The following PELI3 variants were observed in gnomAD, a reference collection of about 807,000 sequenced individuals.
PELI3 encodes the protein E3 ubiquitin-protein ligase pellino homolog 3.
A neutral mutation model predicts 35.5 loss-of-function variants in PELI3; 19 were observed. The observed-to-expected ratio is 0.54, with a 90% CI of 0.37 to 0.79. The LOEUF (loss-of-function observed/expected upper bound fraction) is 0.79. Ranked by LOEUF, PELI3 falls within the 30% of genes least tolerant of loss-of-function variation. The pLI, the probability that PELI3 is intolerant of heterozygous loss-of-function variation, is 0.00. For synonymous variants in PELI3, 262 were observed against 279.2 expected (o/e 0.94, Z 0.62); for missense variants, 490 against 661.2 (o/e 0.74, Z 2.84).
Position 66,468,219 on chromosome 11 carries a change from C to T in PELI3, c.91C>T (p.Pro31Ser). Residue 31 changes from proline (P) to serine (S), a missense_variant, in exon 2 of 8, where the codon CCC becomes TCC. Physicochemically the swap from Pro to Ser is moderately conservative, Grantham distance 74. Transcript: ENST00000320740. ...GNKGSCVLSS[P>S]GEDAQPGEEP... ...CAAGGGCTCTTGCGTTCTCTCCTCT[C>T]CCGGTGAAGATGCGCAGCCAGGCGA... 1 of 1,601,848 alleles carries T rather than the reference C, an allele frequency of 6.2e-7. No individual in the cohort carries two copies.
At chr11:66,474,316 C>T in intron 7 of PELI3, 1 of 562,372 alleles carries the variant, frequency 1.8e-6, no homozygotes, top group Non-Finnish European at 3.1e-6. Context: ...TGTAGCATGT[C>T]TATCACGTTC....
chr11:66,474,436 AGGGACC>A lies in PELI3; in HGVS notation c.840+516_840+521del, dbSNP rs141178346. On this transcript the variant is annotated intron_variant, in intron 7 of 7. Transcript: ENST00000320740. ...TGGTACAGATCAGAGAGCTGAGGTT[AGGGACC>A]GGGAGTGAGTCCTAGAGAGAGGCAG... 438 of 286,166 alleles carry A rather than the reference AGGGACC, an allele frequency of 1.5e-3. 8 individuals are homozygous for A. In the East Asian group the frequency reaches 0.044, roughly 29 times the overall value. The allele number at this position is 286,166 out of a possible 1,614,324, so 17.7% of individuals were successfully genotyped here. A position where few individuals can be genotyped will look rare whatever the true frequency, so the allele number is the denominator to read the frequency against.
At position 66,467,498 on chromosome 11, in the gene PELI3, C is replaced by T. The variant is rs1019375140; in HGVS notation, c.-2+471C>T. 3.3e-5 allele frequency: 5 copies of T among 152,126 alleles called. No individual in the cohort carries two copies. The highest frequency in any genetic ancestry group is 7.3e-5 in the Non-Finnish European group (5 of 68,070). 9.4% of individuals were successfully genotyped at this position (152,126 alleles called of 1,614,324 possible). A position where few individuals can be genotyped will look rare whatever the true frequency, so the allele number is the denominator to read the frequency against. The stretch of plus-strand genomic sequence containing the variant: ...CCTGAGGGAGGGAAGAGCGCGCACC[C>T]AGGAGGAGTCTATTGGCCTACCCGC... On this transcript the variant is annotated intron_variant, in intron 1 of 7. Coordinates refer to ENST00000320740, the MANE Select transcript of PELI3 (RefSeq NM_145065.3). The surrounding 1 kb of genome is among the most constrained non-coding windows in gnomAD (Gnocchi z 4.2).
chr11:66,473,279 A>T lies in PELI3; in HGVS notation c.495A>T (p.Val165=). 6.2e-7 allele frequency: 1 copy of T among 1,613,278 alleles called. No individual in the cohort carries two copies. The highest frequency in any genetic ancestry group is 8.5e-7 in the Non-Finnish European group (1 of 1,179,812). The stretch of plus-strand genomic sequence containing the variant: ...CAGAGAACATGATTGACTTCGTGGT[A>T]ACAGACACGTCCCCTGGAGGAGGGG... ...RSTENMIDFV[V]TDTSPGGGAA... is the part of the protein sequence containing the mutation. Residue 165 remains valine, a synonymous_variant, in exon 6 of 8, where the codon GTA becomes GTT. Coordinates refer to ENST00000320740, the MANE Select transcript of PELI3 (RefSeq NM_145065.3). This position sits in a 1 kb window ranked among gnomAD's most constrained non-coding sequence, Gnocchi z 5.8.
intron 7 of PELI3, chr11:66,474,130 C>T (rs1565259750): frequency 1.4e-6 from 1 of 717,762 alleles, no homozygotes; most frequent in Non-Finnish European, 2.5e-6. Context: ...GGTCCCCAAG[C>T]ATAGCATGCA....
In PELI3 at chr11:66,468,146, C is replaced by T. The variant is rs1854599976; in HGVS notation, c.18C>T (p.Asn6=). 3 of 1,608,682 alleles carry T rather than the reference C, an allele frequency of 1.9e-6. No homozygotes were observed. The highest frequency in any genetic ancestry group is 2.5e-6 in the Non-Finnish European group (3 of 1,177,022). Residue 6 remains asparagine (N), a synonymous_variant, in exon 2 of 8, where the codon AAC becomes AAT. Coordinates refer to ENST00000320740, the MANE Select transcript of PELI3 (RefSeq NM_145065.3). The part of the protein sequence containing the change: MVLEG[N]PEVGSPRTSD... The stretch of plus-strand genomic sequence containing the variant: ...TGCCCAGAATGGTGCTGGAAGGAAA[C>T]CCTGAAGTGGGGTCCCCCCGAACCT...
Position 66,473,988 on chromosome 11 carries a change from C to G in PELI3, c.840+63C>G. On this transcript the variant is annotated intron_variant, in intron 7 of 7. Coordinates refer to ENST00000320740, the MANE Select transcript of PELI3 (RefSeq NM_145065.3). This position sits in a 1 kb window ranked among gnomAD's most constrained non-coding sequence, Gnocchi z 5.8. ...CAGGCCCTCACAAGCTGCCCATCCC[C>G]CTGCCCAAGCCAGGAGATGATCTCC... The G allele has an allele frequency of 6.3e-7, 1 of 1,585,824 alleles. No homozygotes were observed. The highest frequency in any genetic ancestry group is 8.6e-7 in the Non-Finnish European group (1 of 1,167,454).
intron 7 of PELI3, 143 bp downstream of exon 7, chr11:66,474,068 CA>C (rs1590721508): frequency 8.9e-7 from 1 of 1,117,838 alleles, no homozygotes; most frequent in East Asian, 2.6e-5. Context: ...ATCCCAGGCC[CA>C]GGGGGTTCTT....
At position 66,473,880 on chromosome 11, in the gene PELI3, G is replaced by A; in HGVS notation, c.795G>A (p.Val265=). ...GGGAGATCTCGGTCTGTGGGAATGTGTACACATTGCGGGACAGCCGCTCAG... is the reference window on the plus strand; with the variant it reads ...GGGAGATCTCGGTCTGTGGGAATGTATACACATTGCGGGACAGCCGCTCAG... ...VWREISVCGN[V]YTLRDSRSAQ... The change falls in exon 7 of 8, where the codon GTG becomes GTA. Residue 265 remains valine (V), a synonymous_variant. Transcript: ENST00000320740. This position sits in a 1 kb window ranked among gnomAD's most constrained non-coding sequence, Gnocchi z 5.8. 1 of 1,613,726 alleles carries A rather than the reference G, an allele frequency of 6.2e-7. No homozygotes were observed. Among genetic ancestry groups the A allele is most frequent in the South Asian group, 1.1e-5 (1 of 91,086 alleles).
At position 66,471,094 on chromosome 11, in the gene PELI3, T is replaced by C. The variant is rs1371658763; in HGVS notation, c.225-148T>C. On this transcript the variant is annotated intron_variant, in intron 3 of 7. Coordinates refer to ENST00000320740, the MANE Select transcript of PELI3 (RefSeq NM_145065.3). ...GTACCAATTTGTTATTGTAGGGTCT[T>C]CTAGTTTCAGGTGCTTGTAGAGCTT... 3 of 1,104,270 alleles carry C rather than the reference T, an allele frequency of 2.7e-6. No homozygotes were observed. In the South Asian group the frequency reaches 4.7e-5, roughly 17 times the overall value. 68.4% of individuals were successfully genotyped at this position (1,104,270 alleles called of 1,614,324 possible). A position where few individuals can be genotyped will look rare whatever the true frequency, so the allele number is the denominator to read the frequency against.
In PELI3 at chr11:66,471,293, G is replaced by A; in HGVS notation, c.276G>A (p.Leu92=). 1 of 1,613,814 alleles carries A rather than the reference G, an allele frequency of 6.2e-7. No individual in the cohort carries two copies. Among genetic ancestry groups the A allele is most frequent in the Non-Finnish European group, 8.5e-7 (1 of 1,179,954 alleles). The change falls in exon 4 of 8, where the codon CTG becomes CTA. Residue 92 remains leucine (L), a synonymous_variant. Coordinates refer to ENST00000320740, the MANE Select transcript of PELI3 (RefSeq NM_145065.3). ...SGDKGRRRSR[L]ALSRRSHANG... is the part of the protein sequence containing the mutation. ...ACAAGGGCCGCCGGCGAAGCCGCCTGGCACTGAGCCGCCGGTCGCACGCCA... is the reference window on the plus strand; with the variant it reads ...ACAAGGGCCGCCGGCGAAGCCGCCTAGCACTGAGCCGCCGGTCGCACGCCA...
rs759229853 is a variant in PELI3, at chr11:66,473,309, C to T, written c.525C>T (p.Ala175=). Residue 175 remains alanine (A), a synonymous_variant, in exon 6 of 8, where the codon GCC becomes GCT. Coordinates refer to ENST00000320740, the MANE Select transcript of PELI3 (RefSeq NM_145065.3). The surrounding 1 kb of genome is among the most constrained non-coding windows in gnomAD (Gnocchi z 5.8). The part of the protein sequence containing the change: ...VTDTSPGGGA[A]EGPSAQSTIS... ...ACACGTCCCCTGGAGGAGGGGCTGC[C>T]GAGGGCCCTTCTGCCCAGAGCACCA... 69 of 1,613,388 alleles carry T rather than the reference C, an allele frequency of 4.3e-5. No individual in the cohort carries two copies. The highest frequency in any genetic ancestry group is 5.7e-5 in the Non-Finnish European group (67 of 1,179,990).
At chr11:66,471,793 G>T (rs1165808968) in intron 4 of PELI3, among the ~76,000 whole-genome samples, 1 of 152,122 alleles carries the variant, frequency 6.6e-6, no homozygotes, top group Non-Finnish European at 1.5e-5. Context: ...GATATTTCCA[G>T]CTGTGTGCCT....
At chr11:66,475,442 G>GCACCTGCCTGCC in intron 7 of PELI3, 156 bp from the exon 8 acceptor site, 1 of 667,190 alleles carries the variant, frequency 1.5e-6, no homozygotes, top group Non-Finnish European at 2.5e-6. Flanking sequence ...TGCCTGGGAT[G>GCACCTGCCTGCC]CACCTGCCTG....
intron 3 of PELI3, 96 bp from the exon 4 acceptor site, chr11:66,471,146 A>G: frequency 7.0e-7 from 1 of 1,430,170 alleles, no homozygotes; most frequent in Non-Finnish European, 9.6e-7. Context: ...TCTGCCTAGA[A>G]GTTGGCAGTT....
In PELI3 at chr11:66,473,657, G is replaced by T; in HGVS notation, c.652-80G>T. ...CTCTGGGCCGCCTCTGAACTTGAAG[G>T]TAGCGGGGGCAGTGCCTCTGGCACA... On this transcript the variant is annotated intron_variant, in intron 6 of 7. Coordinates refer to ENST00000320740, the MANE Select transcript of PELI3 (RefSeq NM_145065.3). The surrounding 1 kb of genome is among the most constrained non-coding windows in gnomAD (Gnocchi z 5.8). The T allele has an allele frequency of 6.4e-7, 1 of 1,558,658 alleles. No individual in the cohort carries two copies.
In PELI3 at chr11:66,475,740, C is replaced by G. The variant is rs369045921; in HGVS notation, c.983C>G (p.Ala328Gly). ...LEAQRQEANA[A>G]RPQCPVGLST... ...GCCCAGCGGCAGGAGGCAAATGCAG[C>G]GCGGCCCCAGTGCCCCGTGGGCCTC... The change falls in exon 8 of 8, where the codon GCG becomes GGG. Residue 328 changes from alanine to glycine, a missense_variant. Around this residue, in one of 3 missense-constraint regions of PELI3, gnomAD observed 349 missense variants for 484.8 expected, o/e 0.72. Coordinates refer to ENST00000320740, the MANE Select transcript of PELI3 (RefSeq NM_145065.3). 6.2e-7 allele frequency: 1 copy of G among 1,611,290 alleles called. No individual in the cohort carries two copies. The highest frequency in any genetic ancestry group is 1.3e-5 in the African/African-American group (1 of 74,926).
At position 66,473,706 on chromosome 11, in the gene PELI3, G is replaced by T; in HGVS notation, c.652-31G>T. ...CATGGCCTGCTGGGGGGCCCCTGGGGGATGTGATCTGATCCCTCATGTGGT... is the reference window on the plus strand; with the variant it reads ...CATGGCCTGCTGGGGGGCCCCTGGGTGATGTGATCTGATCCCTCATGTGGT... On this transcript the variant is annotated intron_variant, in intron 6 of 7. Coordinates refer to ENST00000320740, the MANE Select transcript of PELI3 (RefSeq NM_145065.3). This position sits in a 1 kb window ranked among gnomAD's most constrained non-coding sequence, Gnocchi z 5.8. 2 of 1,608,864 alleles carry T rather than the reference G, an allele frequency of 1.2e-6. No individual in the cohort carries two copies. The highest frequency in any genetic ancestry group is 1.7e-6 in the Non-Finnish European group (2 of 1,178,644).
rs1356354240 is a variant in PELI3 at position 66,474,043 on chromosome 11, G to C, written c.840+118G>C. 2.2e-6 allele frequency: 3 copies of C among 1,338,450 alleles called. No individual in the cohort carries two copies. The South Asian group carries it at 3.7e-5, about 16-fold the overall frequency. The allele number at this position is 1,338,450 out of a possible 1,614,324, so 82.9% of individuals were successfully genotyped here. On this transcript the variant is annotated intron_variant, in intron 7 of 7. Coordinates refer to ENST00000320740, the MANE Select transcript of PELI3 (RefSeq NM_145065.3). ...CTTCTGCCCCAGGGAGCCCCAACAG[G>C]CTCCATATCAGGGAATCCCAGGCCC... is the stretch of plus-strand genomic sequence containing the variant.
Sources: allele counts gnomAD v4.1 joint callset (sites outside exome capture counted in the v4.1 genomes callset), GRCh38; gene constraint gnomAD v4.1.1; regional missense constraint gnomAD v4.1.1; non-coding constraint Gnocchi (gnomAD v3.1); transcripts MANE v1.5; gene names NCBI Gene and HGNC (gene_info 2026-07-23, HGNC 2026-07-21).